Variants in ADAM12 observed in about 807,000 individuals in gnomAD.
The protein encoded by ADAM12 is disintegrin and metalloproteinase domain-containing protein 12.
Under a neutral mutation model 106.4 loss-of-function variants are expected in ADAM12, and 70 were observed. The ratio of observed to expected loss-of-function variants is 0.66; its 90% CI spans 0.54 to 0.80. The LOEUF is 0.80. Among genes scored for constraint, ADAM12 ranks in the 30% least tolerant of loss-of-function variants. The pLI is 0.00. For synonymous variants in ADAM12, 420 were observed against 433.5 expected (o/e 0.97, Z 0.39); for missense variants, 1,010 against 1,171.9 (o/e 0.86, Z 2.02).
chr10:126,046,349 A>G (rs1413064372), intron 16 of ADAM12, among the ~76,000 whole-genome samples: 1 of 152,224 alleles, frequency 6.6e-6, no homozygotes, highest in Non-Finnish European at 1.5e-5. Context: ...ACATTTTGAG[A>G]CTAAGTTCAA....
chr10:126,116,948 G>A (rs1306376026), intron 6 of ADAM12, among the ~76,000 whole-genome samples: 1 of 152,112 alleles, frequency 6.6e-6, no homozygotes, highest in African/African-American at 2.4e-5. Context: ...GCTAAGCAGT[G>A]GTCTACTGAA....
At chr10:126,274,832 G>T (rs1301912406) in intron 3 of ADAM12, among the ~76,000 whole-genome samples, 1 of 152,126 alleles carries the variant, frequency 6.6e-6, no homozygotes, top group Non-Finnish European at 1.5e-5. Context: ...CTCCACACTG[G>T]TTACATTTCT....
In ADAM12 at chr10:126,014,975, TG is replaced by T. The variant is rs2133366211; in HGVS notation, c.*2303del. 6.6e-6 allele frequency: 1 copy of T among 152,352 alleles called. No homozygotes were observed. Among genetic ancestry groups the T allele is most frequent in the East Asian group, 1.9e-4 (1 of 5,196 alleles). The allele number at this position is 152,352 out of a possible 1,614,324, so 9.4% of individuals were successfully genotyped here. A position where few individuals can be genotyped will look rare whatever the true frequency, so the allele number is the denominator to read the frequency against. Reference sequence around the variant, plus strand: ...TCCTAAGTTATGTTAAAATGGAATTTGCTGCTAAATATGCTTCACTTGATAA... The same window carrying T: ...TCCTAAGTTATGTTAAAATGGAATTTCTGCTAAATATGCTTCACTTGATAA... On this transcript the variant is annotated 3_prime_UTR_variant, in exon 23 of 23. Coordinates refer to ENST00000448723, the MANE Select transcript of ADAM12 (RefSeq NM_001288973.2).
chr10:126,136,149 TA>T (rs1590475902), intron 4 of ADAM12, among the ~76,000 whole-genome samples: 2 of 140,182 alleles, frequency 1.4e-5, no homozygotes, highest in Admixed American at 1.4e-4. Context: ...CTCACTGAAT[TA>T]CCCAATTGAG....
chr10:126,290,348 A>G (rs146215084), intron 2 of ADAM12, among the ~76,000 whole-genome samples: 3 of 152,288 alleles, frequency 2.0e-5, no homozygotes, highest in African/African-American at 7.2e-5. Context: ...AGAGAATCCA[A>G]CCATGCCCAC....
intron 3 of ADAM12, among the ~76,000 whole-genome samples, chr10:126,229,126 T>C (rs2366479): frequency 0.57 from 86,083 of 152,058 alleles, 25,064 homozygotes; most frequent in African/African-American, 0.69. Context: ...AGTGATCACA[T>C]GTGCAGATGC....
rs1590753845 is a variant in ADAM12, at chr10:126,302,892, G to A, written c.187-23904C>T. On this transcript the variant is annotated intron_variant, in intron 2 of 22. Transcript: ENST00000448723. ...AGTACTTCCAGTTTTCACTAGTTGA[G>A]CACAATGGCAGTGACGCCAGAAAAG... Among the ~76,000 whole-genome samples, 4 of 152,282 alleles carry A rather than the reference G, an allele frequency of 2.6e-5. No individual in the cohort carries two copies. The Middle Eastern group carries it at 0.01, about 388-fold the overall frequency.
intron 4 of ADAM12, 99 bp from the exon 5 acceptor site, chr10:126,135,759 A>G (rs1956393878): frequency 9.8e-7 from 1 of 1,024,678 alleles, no homozygotes; most frequent in East Asian, 2.6e-5. Flanking sequence ...AGAATTTTCC[A>G]TTGCATAAAA....
At chr10:126,278,807 C>T in intron 3 of ADAM12, 108 bp downstream of exon 3, 2 of 724,068 alleles carry the variant, frequency 2.8e-6, no homozygotes, top group South Asian at 2.6e-5. Context: ...ATTACAAATC[C>T]ATGCATTTCG....
chr10:126,055,970 T>C (rs1226973255), intron 14 of ADAM12, among the ~76,000 whole-genome samples: 1 of 152,168 alleles, frequency 6.6e-6, no homozygotes, highest in African/African-American at 2.4e-5. Context: ...TCTATACTGA[T>C]TCAGGGAAAG....
At chr10:126,135,446 C>A (rs1451997086) in intron 5 of ADAM12, 138 bp downstream of exon 5, 1 of 778,738 alleles carries the variant, frequency 1.3e-6, no homozygotes, top group African/African-American at 1.7e-5. Context: ...CCTCCGTGTT[C>A]TCTTGCCTAG....
intron 21 of ADAM12, among the ~76,000 whole-genome samples, chr10:126,025,239 TAAAG>T (rs1953846891): frequency 1.3e-5 from 2 of 152,186 alleles, no homozygotes; most frequent in East Asian, 1.9e-4. Flanking sequence ...AGGTGGGTAA[TAAAG>T]AACTTTGCTG....
intron 1 of ADAM12, 131 bp from the exon 2 acceptor site, chr10:126,330,640 T>C (rs1854479500): frequency 5.5e-6 from 4 of 727,268 alleles, no homozygotes; most frequent in Admixed American, 6.6e-5. Flanking sequence ...CTAGAACCCA[T>C]TAAGTCATGA....
chr10:126,030,240 G>T (rs1446579664), intron 21 of ADAM12, among the ~76,000 whole-genome samples: 1 of 152,114 alleles, frequency 6.6e-6, no homozygotes, highest in Non-Finnish European at 1.5e-5. Context: ...GCAAGTTGAC[G>T]GTTGCTGAAG....
intron 18 of ADAM12, chr10:126,041,647 G>A: frequency 3.0e-6 from 3 of 988,364 alleles, no homozygotes; most frequent in Non-Finnish European, 3.6e-6. Context: ...CTAAAACCCT[G>A]CTATTTTCAT....
In ADAM12 at chr10:126,016,062, T is replaced by C. The variant is rs1485434874; in HGVS notation, c.*1217A>G. ...AAGTGTTTAAGAAATAGGTTCAGAC[T>C]CTGTTAAAAGCATCTTTTAAAGATT... is the stretch of plus-strand genomic sequence containing the variant. On this transcript the variant is annotated 3_prime_UTR_variant, in exon 23 of 23. Coordinates refer to ENST00000448723, the MANE Select transcript of ADAM12 (RefSeq NM_001288973.2). 1 of 152,148 alleles carries C rather than the reference T, an allele frequency of 6.6e-6. No individual in the cohort carries two copies. Among genetic ancestry groups the C allele is most frequent in the Non-Finnish European group, 1.5e-5 (1 of 68,024 alleles). The allele number at this position is 152,148 out of a possible 1,614,324, so 9.4% of individuals were successfully genotyped here. A position where few individuals can be genotyped will look rare whatever the true frequency, so the allele number is the denominator to read the frequency against.
At chr10:126,168,558 A>G (rs764023482) in intron 3 of ADAM12, among the ~76,000 whole-genome samples, 57 of 151,996 alleles carry the variant, frequency 3.8e-4, no homozygotes, top group Admixed American at 1.3e-4. Flanking sequence ...CTCACCTACC[A>G]TTTCTCCGGT....
chr10:126,237,799 G>A (rs1447264956), intron 3 of ADAM12, among the ~76,000 whole-genome samples: 1 of 152,178 alleles, frequency 6.6e-6, no homozygotes, highest in Non-Finnish European at 1.5e-5. Context: ...CCACTGGAAA[G>A]AACTCTAATG....
At chr10:126,175,834 C>T (rs1276558898) in intron 3 of ADAM12, among the ~76,000 whole-genome samples, 1 of 152,228 alleles carries the variant, frequency 6.6e-6, no homozygotes, top group African/African-American at 2.4e-5. Context: ...AAAGGCTCTC[C>T]CTTACCACTC....
Sources: allele counts gnomAD v4.1 joint callset (sites outside exome capture counted in the v4.1 genomes callset), GRCh38; gene constraint gnomAD v4.1.1; transcripts MANE v1.5; gene names NCBI Gene and HGNC (gene_info 2026-07-23, HGNC 2026-07-21).